Variants in CD81 observed in about 807,000 individuals in gnomAD.
The protein encoded by CD81 is CD81 molecule.
CD81 carries 10 observed loss-of-function variants against 30.1 expected under a neutral mutation model. The observed-to-expected ratio is 0.33, with a 90% CI of 0.21 to 0.56. The LOEUF (loss-of-function observed/expected upper bound fraction) is 0.56, where lower values mean the gene tolerates loss of function less well. Ranked by LOEUF, CD81 falls within the 20% of genes least tolerant of loss-of-function variation. The pLI is 0.89. For missense variants in CD81, 263 were observed against 308.7 expected (o/e 0.85, Z 1.11); for synonymous variants, 147 against 126.4 (o/e 1.16, Z -1.10).
intron 1 of CD81, among the ~76,000 whole-genome samples, chr11:2,382,899 C>T (rs1344882123): frequency 1.3e-5 from 2 of 152,006 alleles, no homozygotes; most frequent in Admixed American, 6.5e-5. Flanking sequence ...TAGAGTAGGG[C>T]TTAGAGGCTT....
chr11:2,390,287 C>A, intron 1 of CD81, 125 bp from the exon 2 acceptor site: 1 of 802,744 alleles, frequency 1.2e-6, no homozygotes, highest in South Asian at 1.4e-5. Context: ...AGCAGCAGAG[C>A]TGACACCTGG....
intron 1 of CD81, among the ~76,000 whole-genome samples, chr11:2,380,465 T>G (rs966082645): frequency 6.6e-6 from 1 of 151,974 alleles, no homozygotes; most frequent in Non-Finnish European, 1.5e-5. Context: ...ACACTCACAC[T>G]CTTGCTGTCT....
chr11:2,396,957 C>A lies in CD81; in HGVS notation c.*91C>A. ...GGGCCATCACCGCCTGTGTATATAA[C>A]GTTTCCGGTATTACTCTGCTACACG... On this transcript the variant is annotated 3_prime_UTR_variant, in exon 8 of 8. Coordinates refer to ENST00000263645, the MANE Select transcript of CD81 (RefSeq NM_004356.4). 1 of 1,203,926 alleles carries A rather than the reference C, an allele frequency of 8.3e-7. No homozygotes were observed. The highest frequency in any genetic ancestry group is 1.2e-6 in the Non-Finnish European group (1 of 822,956). 74.6% of individuals were successfully genotyped at this position (1,203,926 alleles called of 1,614,324 possible). A position where few individuals can be genotyped will look rare whatever the true frequency, so the allele number is the denominator to read the frequency against.
chr11:2,380,054 T>G (rs1035751477), intron 1 of CD81, among the ~76,000 whole-genome samples: 3 of 152,154 alleles, frequency 2.0e-5, no homozygotes, highest in East Asian at 1.9e-4. Flanking sequence ...CCTGGTGGTG[T>G]TGGTGGATTT....
At chr11:2,385,930 G>A in intron 1 of CD81, 1 of 670,948 alleles carries the variant, frequency 1.5e-6, no homozygotes, top group South Asian at 1.6e-5. Flanking sequence ...GCGTGGAGCA[G>A]CTGGGTCATG....
At chr11:2,394,394 G>A (rs539620379) in intron 3 of CD81, among the ~76,000 whole-genome samples, 226 of 152,320 alleles carry the variant, frequency 1.5e-3, no homozygotes, top group African/African-American at 5.0e-3. Context: ...CTACGTGACC[G>A]CTTTTCTTTG....
intron 5 of CD81, 59 bp from the exon 6 acceptor site, chr11:2,395,810 T>C: frequency 8.2e-7 from 1 of 1,212,956 alleles, no homozygotes; most frequent in Non-Finnish European, 1.2e-6. Context: ...ATGGGTTCCC[T>C]AGAGCCACCG....
At chr11:2,383,755 CG>C (rs2133444976) in intron 1 of CD81, among the ~76,000 whole-genome samples, 1 of 152,374 alleles carries the variant, frequency 6.6e-6, no homozygotes, top group Admixed American at 6.5e-5. Context: ...TACGTAAAGG[CG>C]GGTGAGCTGA....
In CD81 at chr11:2,395,507, C is replaced by G. The variant is rs756346622; in HGVS notation, c.446C>G (p.Thr149Ser). The change falls in exon 5 of 8, where the codon ACC (threonine) becomes AGC (serine). Residue 149 changes from threonine (T) to serine (S), a missense_variant. By Grantham distance (58) the Thr-to-Ser change is moderately conservative. This residue lies in a region of CD81 where 176 missense variants were observed against 192.9 expected (regional missense o/e 0.91). Transcript: ENST00000263645. ...DANNAKAVVK[T>S]FHETLDCCGS... ...AACAACGCCAAGGCTGTGGTGAAGA[C>G]CTTCCACGAGACGGTGCGGCCCCGG... The G allele has an allele frequency of 3.1e-6, 5 of 1,612,444 alleles. No individual in the cohort carries two copies. Among genetic ancestry groups the G allele is most frequent in the Admixed American group, 1.7e-5 (1 of 60,006 alleles).
rs2133455523 is a variant in CD81, at chr11:2,390,409, C to T, written c.67-3C>T. On this transcript the variant is annotated splice_polypyrimidine_tract_variant and splice_region_variant and intron_variant, in intron 1 of 7. Transcript: ENST00000263645. ...ATGTGACACTGTTCCCGCTCTTTCC[C>T]AGCTGGCTGGAGGCGTGATCCTGGG... 1.9e-6 allele frequency: 3 copies of T among 1,610,890 alleles called. No individual in the cohort carries two copies. Among genetic ancestry groups the T allele is most frequent in the Non-Finnish European group, 1.7e-6 (2 of 1,178,318 alleles).
At position 2,394,111 on chromosome 11, in the gene CD81, C is replaced by T. The variant is rs747983381; in HGVS notation, c.198C>T (p.Ile66=). The T allele has an allele frequency of 8.7e-6, 14 of 1,613,026 alleles. No homozygotes were observed. The highest frequency in any genetic ancestry group is 5.0e-5 in the Admixed American group (3 of 60,018). ...NTFYVGIYIL[I]AVGAVMMFVG... is the part of the protein sequence containing the mutation. ...CCCCGCAAGGCATCTACATCCTCAT[C>T]GCTGTGGGCGCTGTCATGATGTTCG... The change falls in exon 3 of 8, where the codon ATC becomes ATT. Residue 66 remains isoleucine, a synonymous_variant. Coordinates refer to ENST00000263645, the MANE Select transcript of CD81 (RefSeq NM_004356.4).
intron 1 of CD81, among the ~76,000 whole-genome samples, chr11:2,380,011 C>T (rs995416322): frequency 5.9e-5 from 9 of 152,194 alleles, no homozygotes; most frequent in Non-Finnish European, 8.8e-5. Flanking sequence ...CGGCCTTCCC[C>T]GTCTGCAGTG....
At chr11:2,393,882 C>G in intron 2 of CD81, 1 of 697,252 alleles carries the variant, frequency 1.4e-6, no homozygotes, top group Non-Finnish European at 2.6e-6. Flanking sequence ...CCTCCTTAGT[C>G]TCCGTCCTGT....
At position 2,377,673 on chromosome 11, in the gene CD81, C is replaced by CACA; in HGVS notation, c.66+59_66+60insCAA. ...GGGCAGGCACACACTCCACGTTGGGCAGGTCCCGCGGCAGCGTGCTAGGCC... is the reference window on the plus strand; with the variant it reads ...GGGCAGGCACACACTCCACGTTGGGCACAAGGTCCCGCGGCAGCGTGCTAGGCC... On this transcript the variant is annotated intron_variant, in intron 1 of 7. Coordinates refer to ENST00000263645, the MANE Select transcript of CD81 (RefSeq NM_004356.4). This position sits in a 1 kb window ranked among gnomAD's most constrained non-coding sequence, Gnocchi z 7.7. 1 of 1,210,524 alleles carries CACA rather than the reference C, an allele frequency of 8.3e-7. No individual in the cohort carries two copies. Among genetic ancestry groups the CACA allele is most frequent in the Non-Finnish European group, 1.1e-6 (1 of 874,946 alleles). The allele number at this position is 1,210,524 out of a possible 1,614,324, so 75.0% of individuals were successfully genotyped here.
intron 1 of CD81, among the ~76,000 whole-genome samples, chr11:2,387,184 C>T (rs1000516644): frequency 5.3e-5 from 8 of 152,240 alleles, no homozygotes; most frequent in Middle Eastern, 3.4e-3. Context: ...GAGCAGCTTC[C>T]GAGCCAGGCA....
chr11:2,385,935 G>A, intron 1 of CD81: 1 of 676,016 alleles, frequency 1.5e-6, no homozygotes, highest in East Asian at 2.7e-5. Context: ...GAGCAGCTGG[G>A]TCATGTGGTG....
rs566864289 is a variant in CD81, at chr11:2,394,003, C to T, written c.182-92C>T. On this transcript the variant is annotated intron_variant, in intron 2 of 7. Transcript: ENST00000263645. ...GCAACCCTACATCTTCCCAGCTGGG[C>T]GGCCCGTGGTGGGTTCGGCACCCAG... is the stretch of plus-strand genomic sequence containing the variant. The T allele has an allele frequency of 4.4e-5, 40 of 904,196 alleles. 1 individual carries two copies. Among genetic ancestry groups the T allele is most frequent in the African/African-American group, 3.2e-4 (20 of 61,616 alleles). The allele number at this position is 904,196 out of a possible 1,614,324, so 56.0% of individuals were successfully genotyped here.
intron 2 of CD81, among the ~76,000 whole-genome samples, chr11:2,390,890 A>G (rs1161786318): frequency 1.3e-5 from 1 of 78,764 alleles, no homozygotes; most frequent in East Asian, 3.6e-4. Flanking sequence ...CCCGGGAGGG[A>G]GGGAGGGATG....
chr11:2,377,242 C>CGGGGCGGGGCCTATGGAGGGGCG, upstream of CD81: 1 of 151,106 alleles, frequency 6.6e-6, no homozygotes, highest in Non-Finnish European at 1.5e-5. This position sits in a 1 kb window ranked among gnomAD's most constrained non-coding sequence, Gnocchi z 7.7. Context: ...GTGAGCTGGC[C>CGGGGCGGGGCCTATGGAGGGGCG]GGGGCGGGGC....
Sources: gnomAD v4.1 joint callset for allele counts (sites outside exome capture counted in the v4.1 genomes callset) on GRCh38, gnomAD v4.1.1 for gene constraint, gnomAD v4.1.1 regional missense constraint, Gnocchi (gnomAD v3.1) non-coding constraint, MANE v1.5 for transcripts, NCBI Gene and HGNC (gene_info 2026-07-23, HGNC 2026-07-21) for gene names.